The following KHNYN variants were observed in gnomAD, a reference collection of about 807,000 sequenced individuals.
The protein encoded by KHNYN is KH and NYN domain containing, also known as protein KHNYN.
KHNYN carries 42 observed loss-of-function variants against 62.7 expected under a neutral mutation model. That is an observed-to-expected ratio of 0.67 (90% CI 0.52 to 0.87). The LOEUF (loss-of-function observed/expected upper bound fraction) is 0.87, where lower values mean the gene tolerates loss of function less well. Ranked by LOEUF, KHNYN falls within the 40% of genes least tolerant of loss-of-function variation. The pLI is 0.00. For synonymous variants in KHNYN, 347 were observed against 345.6 expected, an observed-to-expected ratio of 1.00 and a Z score of -0.04; for missense variants, 829 against 874.1, an observed-to-expected ratio of 0.95 and a Z score of 0.65.
chr14:24,430,234 C>T (rs1470447479), intron 1 of KHNYN, 115 bp downstream of exon 1: 4 of 841,662 alleles, frequency 4.8e-6, no homozygotes, highest in East Asian at 1.3e-4. Context: ...CCCGGCCCGG[C>T]CCCTGGGCCC....
intron 5 of KHNYN, chr14:24,435,713 C>A: frequency 3.5e-6 from 1 of 283,652 alleles, no homozygotes; most frequent in Admixed American, 4.8e-5. Flanking sequence ...AGATAGGATG[C>A]TACTGGGAGA....
upstream of KHNYN, chr14:24,428,870 G>C (rs756663678): frequency 6.2e-7 from 1 of 1,605,874 alleles, no homozygotes; most frequent in Non-Finnish European, 8.5e-7. Flanking sequence ...TCCCAGGGCT[G>C]CTCCCCCGGG....
At position 24,432,126 on chromosome 14, in the gene KHNYN, CCA is replaced by C; in HGVS notation, c.868_869del (p.Gln290ValfsTer34). The part of the protein sequence containing the change: ...EAWEREVALR[P>X]QSVGGGARES... ...GTGGGAGAGAGAAGTGGCCCTCAGGCCACAGTCAGTGGGTGGAGGGGCAAGGG... is the reference window on the plus strand; with the variant it reads ...GTGGGAGAGAGAAGTGGCCCTCAGGCCAGTCAGTGGGTGGAGGGGCAAGGG... On this transcript the variant is annotated frameshift_variant, in exon 3 of 8. Transcript: ENST00000553935. LOFTEE classifies it high-confidence loss of function. This position sits in a 1 kb window ranked among gnomAD's most constrained non-coding sequence, Gnocchi z 5.6. The C allele has an allele frequency of 6.4e-7, 1 of 1,551,940 alleles. No individual in the cohort carries two copies. The highest frequency in any genetic ancestry group is 1.7e-4 in the Middle Eastern group (1 of 5,732).
rs191188111 is a variant in KHNYN, at chr14:24,435,138, T to G, written c.1578-934T>G. ...GGAGCCCAGGCATTTTTTAAAAAAG[T>G]TCCCTTGGTAATTCTGTTCCTTAGC... On this transcript the variant is annotated intron_variant, in intron 5 of 7. Transcript: ENST00000553935. 2.0e-5 allele frequency among the ~76,000 whole-genome samples: 3 copies of G among 152,350 alleles called. No homozygotes were observed. In the East Asian group the frequency reaches 5.8e-4, roughly 29 times the overall value.
chr14:24,441,523 A>C lies in KHNYN; in HGVS notation c.*4238A>C. On this transcript the variant is annotated 3_prime_UTR_variant, in exon 8 of 8. Transcript: ENST00000553935. ...GGTCTCAATTTCTTAGTGAAAGTAC[A>C]CAAAGGTTAGGAGAAACATGCATGG... The C allele has an allele frequency of 1.6e-6, 1 of 629,746 alleles. No individual in the cohort carries two copies. The highest frequency in any genetic ancestry group is 3.1e-5 in the East Asian group (1 of 32,620). 39.0% of individuals were successfully genotyped at this position (629,746 alleles called of 1,614,324 possible).
intron 5 of KHNYN, chr14:24,435,801 T>C (rs1318778398): frequency 2.1e-6 from 1 of 485,306 alleles, no homozygotes; most frequent in African/African-American, 1.9e-5. Context: ...TGGGTCAAGG[T>C]GAGGTAGGGG....
rs776272666 is a variant in KHNYN at position 24,430,717 on chromosome 14, T to C, written c.-14T>C. 5.0e-5 allele frequency: 77 copies of C among 1,554,418 alleles called. No homozygotes were observed. The highest frequency in any genetic ancestry group is 6.5e-5 in the Non-Finnish European group (75 of 1,148,880). On this transcript the variant is annotated 5_prime_UTR_variant, in exon 2 of 8. Transcript: ENST00000553935. ...GAGCTGCCTTCTCCCCTTCCAGGGCTGGGGGCAGCAGCCATGCCTACCTGG... is the reference window on the plus strand; with the variant it reads ...GAGCTGCCTTCTCCCCTTCCAGGGCCGGGGGCAGCAGCCATGCCTACCTGG...
At position 24,431,602 on chromosome 14, in the gene KHNYN, G is replaced by A. The variant is rs1175485948; in HGVS notation, c.341G>A (p.Arg114Lys). Residue 114 changes from arginine to lysine, a missense_variant, in exon 3 of 8, where the codon AGG (arginine) becomes AAG (lysine). Arg to Lys is a conservative substitution (Grantham distance 26). This residue lies in a region of KHNYN where 559 missense variants were observed against 527.0 expected (regional missense o/e 1.06). Coordinates refer to ENST00000553935, the MANE Select transcript of KHNYN (RefSeq NM_015299.3). ...AWSTSAHLVP[R>K]APGSLMISGL... Reference sequence around the variant, plus strand: ...AGCACGTCAGCCCATCTGGTGCCCAGGGCGCCAGGCTCACTGATGATCAGT... The same window carrying A: ...AGCACGTCAGCCCATCTGGTGCCCAAGGCGCCAGGCTCACTGATGATCAGT... The A allele has an allele frequency of 2.0e-5, 33 of 1,613,272 alleles. No homozygotes were observed. The highest frequency in any genetic ancestry group is 2.7e-5 in the Non-Finnish European group (32 of 1,179,476).
chr14:24,435,807 AG>A (rs1395201638), intron 5 of KHNYN: 9 of 495,792 alleles, frequency 1.8e-5, no homozygotes, highest in East Asian at 3.5e-5. Flanking sequence ...AAGGTGAGGT[AG>A]GGGGCCAGAT....
rs765276680 is a variant in KHNYN, at chr14:24,436,451, C to T, written c.1749C>T (p.Asn583=). The change falls in exon 7 of 8, where the codon AAC becomes AAT. Residue 583 remains asparagine (N), a synonymous_variant. Coordinates refer to ENST00000553935, the MANE Select transcript of KHNYN (RefSeq NM_015299.3). ...FMVPDDPLGR[N]GPTLDEFLKK... ...TACCTGATGACCCACTGGGGCGAAA[C>T]GGCCCCACCCTGGATGAATTTCTGA... The T allele has an allele frequency of 3.1e-6, 5 of 1,613,446 alleles. No homozygotes were observed. Among genetic ancestry groups the T allele is most frequent in the East Asian group, 2.2e-5 (1 of 44,878 alleles).
At chr14:24,427,943 G>C, upstream of KHNYN, 4 of 1,613,854 alleles carry the variant, frequency 2.5e-6, no homozygotes, top group Non-Finnish European at 3.4e-6. The surrounding 1 kb of genome is among the most constrained non-coding windows in gnomAD (Gnocchi z 4.4). Context: ...AGGATCATTG[G>C]CAAAGGCTGA....
rs750828920 is a variant in KHNYN at position 24,440,250 on chromosome 14, G to A, written c.*2965G>A. On this transcript the variant is annotated 3_prime_UTR_variant, in exon 8 of 8. Transcript: ENST00000553935. ...GCGCTGGGGAGAGGGATGAAGGCTC[G>A]GCGGCCCAGGGCAGCACCCAAGGTC... 6 of 1,613,822 alleles carry A rather than the reference G, an allele frequency of 3.7e-6. No homozygotes were observed. The highest frequency in any genetic ancestry group is 3.4e-6 in the Non-Finnish European group (4 of 1,179,738).
In KHNYN at chr14:24,439,931, A is replaced by C. The variant is rs1413799729; in HGVS notation, c.*2646A>C. 1.6e-5 allele frequency: 10 copies of C among 637,812 alleles called. No individual in the cohort carries two copies. The African/African-American group carries it at 1.8e-4, about 12-fold the overall frequency. 39.5% of individuals were successfully genotyped at this position (637,812 alleles called of 1,614,324 possible). On this transcript the variant is annotated 3_prime_UTR_variant, in exon 8 of 8. Coordinates refer to ENST00000553935, the MANE Select transcript of KHNYN (RefSeq NM_015299.3). Reference sequence around the variant, plus strand: ...CCTGATGAGATTACGGCCTTGAGACAATAAGGTGGAGCAACAGAACAATGG... The same window carrying C: ...CCTGATGAGATTACGGCCTTGAGACCATAAGGTGGAGCAACAGAACAATGG...
Position 24,440,140 on chromosome 14 carries a change from A to G in KHNYN, c.*2855A>G, listed in dbSNP as rs769866328. 1.9e-6 allele frequency: 3 copies of G among 1,613,306 alleles called. No individual in the cohort carries two copies. Among genetic ancestry groups the G allele is most frequent in the Non-Finnish European group, 2.5e-6 (3 of 1,179,432 alleles). On this transcript the variant is annotated 3_prime_UTR_variant, in exon 8 of 8. Coordinates refer to ENST00000553935, the MANE Select transcript of KHNYN (RefSeq NM_015299.3). ...GCTCTGGGAAGGAATACTGGTAGCC[A>G]GTGGCCAGTGTTCGCTGTGGGATCA...
At position 24,436,189 on chromosome 14, in the gene KHNYN, C is replaced by T. The variant is rs141900732; in HGVS notation, c.1685+10C>T. 8.1e-6 allele frequency: 13 copies of T among 1,604,250 alleles called. No individual in the cohort carries two copies. The highest frequency in any genetic ancestry group is 4.0e-5 in the African/African-American group (3 of 74,822). On this transcript the variant is annotated intron_variant, in intron 6 of 7. Transcript: ENST00000553935. ...CAATCATCAGAGAACGGTGAGGGAG[C>T]CCTCCCGCTGAGAACTGGGCACAGA...
chr14:24,433,849 A>G (rs1413188740), intron 5 of KHNYN, among the ~76,000 whole-genome samples: 1 of 152,242 alleles, frequency 6.6e-6, no homozygotes, highest in Non-Finnish European at 1.5e-5. Context: ...GAATGAAAAT[A>G]CAAGGCACAC....
Position 24,432,858 on chromosome 14 carries a change from T to G in KHNYN, c.1480+6T>G. On this transcript the variant is annotated splice_donor_region_variant and intron_variant, in intron 4 of 7. Coordinates refer to ENST00000553935, the MANE Select transcript of KHNYN (RefSeq NM_015299.3). This position sits in a 1 kb window ranked among gnomAD's most constrained non-coding sequence, Gnocchi z 5.6. ...TAAGGATGCCAAAGTCAGAGGTGAG[T>G]TGGGCCTGGTCTTCAGTGTCCCAGG... 6.2e-7 allele frequency: 1 copy of G among 1,614,192 alleles called. No homozygotes were observed.
chr14:24,428,482 G>A, upstream of KHNYN: 1 of 1,540,622 alleles, frequency 6.5e-7, no homozygotes, highest in Non-Finnish European at 8.9e-7. Context: ...CTAGGGGCAG[G>A]GGCAGTGAGT....
In KHNYN at chr14:24,440,638, C is replaced by T. The variant is rs1256188326; in HGVS notation, c.*3353C>T. 4.4e-6 allele frequency: 6 copies of T among 1,348,518 alleles called. No homozygotes were observed. Among genetic ancestry groups the T allele is most frequent in the South Asian group, 2.6e-5 (2 of 76,172 alleles). 83.5% of individuals were successfully genotyped at this position (1,348,518 alleles called of 1,614,324 possible). On this transcript the variant is annotated 3_prime_UTR_variant, in exon 8 of 8. Coordinates refer to ENST00000553935, the MANE Select transcript of KHNYN (RefSeq NM_015299.3). ...GTGAGCAGTATGGCTGTCTTTAAGACCTCACACCTTCTCATCTGCAGGTTG... is the reference window on the plus strand; with the variant it reads ...GTGAGCAGTATGGCTGTCTTTAAGATCTCACACCTTCTCATCTGCAGGTTG...
Sources: allele counts gnomAD v4.1 joint callset (sites outside exome capture counted in the v4.1 genomes callset), GRCh38; gene constraint gnomAD v4.1.1; regional missense constraint gnomAD v4.1.1; non-coding constraint Gnocchi (gnomAD v3.1); transcripts MANE v1.5; gene names NCBI Gene and HGNC (gene_info 2026-07-23, HGNC 2026-07-21).